Variants in AGBL1 observed in about 807,000 individuals in gnomAD.
AGBL1 encodes the protein cytosolic carboxypeptidase 4.
Under a neutral mutation model 118.9 loss-of-function variants are expected in AGBL1, and 130 were observed. The observed-to-expected ratio is 1.09, with a 90% CI of 0.95 to 1.26. The LOEUF (loss-of-function observed/expected upper bound fraction) is 1.26. Among genes scored for constraint, AGBL1 ranks in the 50% most tolerant of loss-of-function variants. The pLI is 0.00. For synonymous variants in AGBL1, 555 were observed against 478.9 expected (o/e 1.16, Z -2.08); for missense variants, 1,584 against 1,298.1 (o/e 1.22, Z -3.38).
chr15:86,940,899 T>C (rs2141653658), intron 23 of AGBL1, among the ~76,000 whole-genome samples: 1 of 152,356 alleles, frequency 6.6e-6, no homozygotes, highest in African/African-American at 2.4e-5. Context: ...TTCTGCTTTC[T>C]TCAGCCCTGC....
chr15:86,793,330 C>T (rs1036154306), intron 22 of AGBL1, among the ~76,000 whole-genome samples: 1 of 152,146 alleles, frequency 6.6e-6, no homozygotes, highest in South Asian at 2.1e-4. Flanking sequence ...CAGATATAAA[C>T]CCATACATCT....
chr15:86,438,633 T>C (rs746226698), intron 18 of AGBL1, among the ~76,000 whole-genome samples: 1 of 151,558 alleles, frequency 6.6e-6, no homozygotes, highest in African/African-American at 2.4e-5. Context: ...TTATCTAAAT[T>C]CGTATATAAC....
chr15:86,243,546 A>T (rs2078670972), intron 6 of AGBL1, among the ~76,000 whole-genome samples: 1 of 152,146 alleles, frequency 6.6e-6, no homozygotes, highest in Admixed American at 6.6e-5. Flanking sequence ...AACTGGCCAA[A>T]AAAATACCTT....
intron 18 of AGBL1, among the ~76,000 whole-genome samples, chr15:86,500,076 C>T (rs1299031663): frequency 6.6e-6 from 1 of 151,818 alleles, no homozygotes; most frequent in Non-Finnish European, 1.5e-5. Context: ...TGTGGTCCTG[C>T]TGATTTGCCA....
At chr15:86,410,922 AAT>A (rs1450647914) in intron 18 of AGBL1, among the ~76,000 whole-genome samples, 3 of 123,324 alleles carry the variant, frequency 2.4e-5, no homozygotes, top group South Asian at 2.3e-4. Context: ...TATGTTATAT[AAT>A]ATATATAACA....
chr15:86,560,091 G>A (rs555199564), intron 21 of AGBL1, among the ~76,000 whole-genome samples: 21 of 152,152 alleles, frequency 1.4e-4, no homozygotes, highest in Middle Eastern at 3.4e-3. Context: ...GGGTGACCCA[G>A]TGTAATGTGA....
At chr15:86,580,231 C>A (rs1229084289) in intron 21 of AGBL1, among the ~76,000 whole-genome samples, 1 of 152,130 alleles carries the variant, frequency 6.6e-6, no homozygotes, top group Admixed American at 6.6e-5. Flanking sequence ...AATTATAATG[C>A]TTATTCTTCT....
intron 5 of AGBL1, among the ~76,000 whole-genome samples, chr15:86,220,253 A>G (rs1388713813): frequency 6.6e-6 from 1 of 152,106 alleles, no homozygotes; most frequent in Admixed American, 6.6e-5. Flanking sequence ...AGTCCAGTGA[A>G]TACTGCCTCT....
At chr15:86,772,672 C>T (rs2141291267) in intron 22 of AGBL1, among the ~76,000 whole-genome samples, 1 of 152,060 alleles carries the variant, frequency 6.6e-6, no homozygotes, top group African/African-American at 2.4e-5. Context: ...AAAATGAAGA[C>T]ACAGAATGGA....
intron 22 of AGBL1, among the ~76,000 whole-genome samples, chr15:86,827,173 C>G (rs1030194061): frequency 6.7e-6 from 1 of 148,448 alleles, no homozygotes; most frequent in Non-Finnish European, 1.5e-5. Context: ...TAAGCTGACA[C>G]CAATACCAGG....
intron 18 of AGBL1, among the ~76,000 whole-genome samples, chr15:86,445,515 C>G (rs1245797333): frequency 6.6e-6 from 1 of 152,228 alleles, no homozygotes; most frequent in African/African-American, 2.4e-5. Context: ...TAGAATTTCA[C>G]CACTGAGCAC....
chr15:86,943,902 A>C (rs1243703910), intron 23 of AGBL1, among the ~76,000 whole-genome samples: 1 of 152,182 alleles, frequency 6.6e-6, no homozygotes, highest in African/African-American at 2.4e-5. Context: ...ATTGGCCAGG[A>C]GCAGCCAAAT....
intron 18 of AGBL1, among the ~76,000 whole-genome samples, chr15:86,434,241 C>T (rs1176123067): frequency 6.6e-6 from 1 of 152,220 alleles, no homozygotes; most frequent in African/African-American, 2.4e-5. Context: ...GTCTCATTTC[C>T]TTTGACCTTT....
intron 18 of AGBL1, among the ~76,000 whole-genome samples, chr15:86,472,657 G>A (rs991140420): frequency 2.0e-5 from 3 of 152,300 alleles, no homozygotes; most frequent in South Asian, 2.1e-4. Context: ...CACGGCTCAC[G>A]CCTGTAATCC....
chr15:86,597,432 G>C (rs1400017453), intron 21 of AGBL1, among the ~76,000 whole-genome samples: 1 of 152,136 alleles, frequency 6.6e-6, no homozygotes, highest in African/African-American at 2.4e-5. Flanking sequence ...ATTTATACCA[G>C]AGAAATTGGA....
chr15:86,269,130 A>G (rs943293496), intron 13 of AGBL1, among the ~76,000 whole-genome samples: 1 of 152,198 alleles, frequency 6.6e-6, no homozygotes, highest in Non-Finnish European at 1.5e-5. Flanking sequence ...TAGTAGTCAC[A>G]CAAGTGGTTT....
At chr15:86,707,732 C>T (rs2086478266) in intron 22 of AGBL1, among the ~76,000 whole-genome samples, 1 of 152,118 alleles carries the variant, frequency 6.6e-6, no homozygotes, top group Admixed American at 6.6e-5. Flanking sequence ...CTGTTGAATT[C>T]TTCCATGACA....
chr15:86,639,711 G>A (rs983865097), intron 21 of AGBL1, among the ~76,000 whole-genome samples: 2 of 152,140 alleles, frequency 1.3e-5, no homozygotes, highest in Admixed American at 1.3e-4. Context: ...CACAGAAATG[G>A]TCTGGCAACT....
chr15:86,319,552 G>C (rs146357543), intron 17 of AGBL1, among the ~76,000 whole-genome samples: 16 of 151,980 alleles, frequency 1.1e-4, no homozygotes, highest in African/African-American at 3.9e-4. Flanking sequence ...TGGCCACTGA[G>C]GTGTAATACC....
Sources: allele counts gnomAD v4.1 joint callset (sites outside exome capture counted in the v4.1 genomes callset), GRCh38; gene constraint gnomAD v4.1.1; transcripts MANE v1.5; gene names NCBI Gene and HGNC (gene_info 2026-07-23, HGNC 2026-07-21).